GALNT7: variants seen among roughly 807,000 people sequenced by gnomAD.
GALNT7 encodes the protein N-acetylgalactosaminyltransferase 7.
Under a neutral mutation model 82.1 loss-of-function variants are expected in GALNT7, and 60 were observed. The observed-to-expected ratio is 0.73, with a 90% CI of 0.59 to 0.91. The LOEUF (loss-of-function observed/expected upper bound fraction) is 0.91, where lower values mean the gene tolerates loss of function less well. Ranked by LOEUF, GALNT7 falls within the 40% of genes least tolerant of loss-of-function variation. The probability of loss-of-function intolerance (pLI) is 0.00; values close to 1 mark genes in which losing one functional copy is unlikely to be tolerated. For missense variants in GALNT7, 660 were observed against 804.2 expected (o/e 0.82, Z 2.17); for synonymous variants, 243 against 275.1 (o/e 0.88, Z 1.15).
In GALNT7 at chr4:173,192,614, G is replaced by A. The variant is rs114734461; in HGVS notation, c.126+23653G>A. On this transcript the variant is annotated intron_variant, in intron 1 of 11. Transcript: ENST00000265000. ...ACACTCGAGTTCTTGAATTATCATC[G>A]TTGCCTTGAAAGGCTGTAGAAGTAA... 6.1e-3 allele frequency among the ~76,000 whole-genome samples: 929 copies of A among 152,240 alleles called. 5 individuals are homozygous for A. Among genetic ancestry groups the A allele is most frequent in the African/African-American group, 0.021 (890 of 41,522 alleles).
chr4:173,249,118 C>A (rs1440317084), intron 2 of GALNT7, among the ~76,000 whole-genome samples: 1 of 152,164 alleles, frequency 6.6e-6, no homozygotes, highest in Non-Finnish European at 1.5e-5. Context: ...CAAAGCTTTT[C>A]TCTTTCAGTT....
intron 2 of GALNT7, among the ~76,000 whole-genome samples, chr4:173,278,519 AG>A (rs1250221971): frequency 2.0e-5 from 3 of 152,246 alleles, no homozygotes; most frequent in Non-Finnish European, 4.4e-5. Flanking sequence ...CAAAAACCAA[AG>A]AGGGCAGAAC....
intron 8 of GALNT7, among the ~76,000 whole-genome samples, chr4:173,309,217 G>A (rs73872551): frequency 0.033 from 5,083 of 152,296 alleles, 279 homozygotes; most frequent in African/African-American, 0.11. Context: ...CCAGTCACAC[G>A]TTTATTAGGA....
intron 8 of GALNT7, among the ~76,000 whole-genome samples, chr4:173,308,434 T>C (rs1024923811): frequency 1.3e-5 from 2 of 149,570 alleles, no homozygotes; most frequent in African/African-American, 4.9e-5. Context: ...TATGGTTTGG[T>C]TTTTTTTTTA....
intron 2 of GALNT7, among the ~76,000 whole-genome samples, chr4:173,259,855 C>A (rs1735193058): frequency 6.6e-6 from 1 of 152,136 alleles, no homozygotes; most frequent in African/African-American, 2.4e-5. Flanking sequence ...CCAGGCTGGT[C>A]TCGAACTCTT....
Position 173,322,363 on chromosome 4 carries a change from A to G in GALNT7, c.*646A>G, listed in dbSNP as rs1016534043. ...TGGGGAATACTTTTACTACTCAGAA[A>G]TGAATTTATGTGCTGCCATTTGCTA... On this transcript the variant is annotated 3_prime_UTR_variant, in exon 12 of 12. Coordinates refer to ENST00000265000, the MANE Select transcript of GALNT7 (RefSeq NM_017423.3). 6.6e-6 allele frequency: 1 copy of G among 152,658 alleles called. No individual in the cohort carries two copies. The highest frequency in any genetic ancestry group is 6.5e-5 in the Admixed American group (1 of 15,268). The allele number at this position is 152,658 out of a possible 1,614,324, so 9.5% of individuals were successfully genotyped here. A position where few individuals can be genotyped will look rare whatever the true frequency, so the allele number is the denominator to read the frequency against.
At chr4:173,213,915 AT>A (rs1208564633) in intron 1 of GALNT7, among the ~76,000 whole-genome samples, 3 of 152,082 alleles carry the variant, frequency 2.0e-5, no homozygotes, top group Non-Finnish European at 2.9e-5. Flanking sequence ...ATTCCTTATA[AT>A]TTTTTTATAG....
intron 1 of GALNT7, among the ~76,000 whole-genome samples, chr4:173,215,735 A>G (rs550691355): frequency 1.4e-4 from 22 of 152,300 alleles, no homozygotes; most frequent in Admixed American, 3.9e-4. Flanking sequence ...CTTTTTGTCA[A>G]TTATTTTGAA....
chr4:173,249,301 G>A (rs190188450), intron 2 of GALNT7, among the ~76,000 whole-genome samples: 2 of 152,238 alleles, frequency 1.3e-5, no homozygotes, highest in East Asian at 3.9e-4. Context: ...TCCCATACCT[G>A]TTCACATACA....
chr4:173,169,544 G>A (rs950573959), intron 1 of GALNT7: 10 of 151,804 alleles, frequency 6.6e-5, no homozygotes, highest in Admixed American at 5.2e-4. Context: ...GAGGGCGATG[G>A]CGCCCCGCCT....
At chr4:173,204,739 CT>C (rs1168108300) in intron 1 of GALNT7, among the ~76,000 whole-genome samples, 1 of 152,090 alleles carries the variant, frequency 6.6e-6, no homozygotes, top group Non-Finnish European at 1.5e-5. Context: ...AATTATTTCT[CT>C]GCATTTAAGT....
At chr4:173,180,535 C>T (rs2126627275) in intron 1 of GALNT7, among the ~76,000 whole-genome samples, 1 of 152,196 alleles carries the variant, frequency 6.6e-6, no homozygotes, top group East Asian at 1.9e-4. Flanking sequence ...ACCATGTTGG[C>T]CAGACTGGTC....
intron 1 of GALNT7, among the ~76,000 whole-genome samples, chr4:173,228,293 C>A (rs1270438185): frequency 1.3e-5 from 2 of 149,796 alleles, no homozygotes; most frequent in Admixed American, 6.7e-5. Flanking sequence ...CTCTCTTCTT[C>A]TAGTCATTTC....
chr4:173,199,322 A>G (rs1421616867), intron 1 of GALNT7, among the ~76,000 whole-genome samples: 1 of 152,156 alleles, frequency 6.6e-6, no homozygotes, highest in Non-Finnish European at 1.5e-5. Context: ...TCCGCCACTT[A>G]CTTGATAACC....
At chr4:173,190,578 T>C (rs1311790030) in intron 1 of GALNT7, among the ~76,000 whole-genome samples, 3 of 152,150 alleles carry the variant, frequency 2.0e-5, no homozygotes, top group Admixed American at 2.0e-4. Context: ...AACATGAATT[T>C]GTTACTTTTT....
chr4:173,234,938 A>G (rs530588540), intron 1 of GALNT7, among the ~76,000 whole-genome samples: 39 of 152,204 alleles, frequency 2.6e-4, no homozygotes, highest in Non-Finnish European at 4.7e-4. Context: ...AGGCCCTATC[A>G]GAAGGAGATG....
chr4:173,231,158 C>T (rs368581003), intron 1 of GALNT7, among the ~76,000 whole-genome samples: 26 of 152,088 alleles, frequency 1.7e-4, no homozygotes, highest in African/African-American at 5.8e-4. Flanking sequence ...ATGTTTTTCC[C>T]TTTATTTCAC....
chr4:173,241,104 T>G (rs113419691), intron 1 of GALNT7, among the ~76,000 whole-genome samples: 14 of 151,976 alleles, frequency 9.2e-5, no homozygotes, highest in African/African-American at 3.4e-4. Context: ...GCACAGTAGT[T>G]CATCCCCTGT....
chr4:173,266,059 A>C (rs1735477972), intron 2 of GALNT7, among the ~76,000 whole-genome samples: 3 of 152,186 alleles, frequency 2.0e-5, no homozygotes, highest in Admixed American at 1.3e-4. Context: ...GGATTTCGAG[A>C]CCAGCCTGGC....
Sources: allele counts gnomAD v4.1 joint callset (sites outside exome capture counted in the v4.1 genomes callset), GRCh38; gene constraint gnomAD v4.1.1; transcripts MANE v1.5; gene names NCBI Gene and HGNC (gene_info 2026-07-23, HGNC 2026-07-21).